Variants in TRIM14 observed in about 807,000 individuals in gnomAD.
TRIM14 encodes tripartite motif containing 14, also known as tripartite motif-containing protein 14.
A neutral mutation model predicts 44.5 loss-of-function variants in TRIM14; 28 were observed. The ratio of observed to expected loss-of-function variants is 0.63; its 90% CI spans 0.47 to 0.86. The LOEUF (loss-of-function observed/expected upper bound fraction) is 0.86, where lower values mean the gene tolerates loss of function less well. TRIM14 is among the 40% of genes least tolerant of loss of function. The pLI is 0.00. For missense variants in TRIM14, 607 were observed against 611.1 expected, an observed-to-expected ratio of 0.99 and a Z score of 0.07; for synonymous variants, 299 against 269.2, an observed-to-expected ratio of 1.11 and a Z score of -1.08.
the TRIM14 span, among the ~76,000 whole-genome samples, chr9:98,047,670 A>T: frequency 2.6e-5 from 4 of 151,982 alleles, no homozygotes; most frequent in African/African-American, 9.7e-5. Context: ...TGTAATAGCT[A>T]GGTAGGAAAT....
At chr9:98,058,009 G>A in the TRIM14 span, among the ~76,000 whole-genome samples, 1 of 130,694 alleles carries the variant, frequency 7.7e-6, no homozygotes, top group South Asian at 2.5e-4. Flanking sequence ...TGCAACCTCT[G>A]CCTCCCAGGC....
the TRIM14 span, among the ~76,000 whole-genome samples, chr9:98,054,803 G>A: frequency 1.3e-5 from 2 of 152,186 alleles, no homozygotes; most frequent in South Asian, 2.1e-4. Context: ...CTACAGAACC[G>A]GGGCAGGTAG....
chr9:98,102,731 A>C (rs914471802), intron 2 of TRIM14, among the ~76,000 whole-genome samples: 2 of 152,194 alleles, frequency 1.3e-5, no homozygotes, highest in Non-Finnish European at 2.9e-5. Flanking sequence ...TGTTTGGGAT[A>C]ATGAAAAAGT....
At chr9:98,113,137 A>G (rs1172180531) in intron 1 of TRIM14, among the ~76,000 whole-genome samples, 67 of 120,564 alleles carry the variant, frequency 5.6e-4, no homozygotes, top group African/African-American at 2.1e-3. Flanking sequence ...AAAAAAAAAA[A>G]GAAGGAATTT....
At chr9:98,056,771 C>T in the TRIM14 span, 2 of 1,604,040 alleles carry the variant, frequency 1.2e-6, no homozygotes, top group Non-Finnish European at 1.7e-6. Flanking sequence ...CGGCCGGACC[C>T]AGACTGGTAG....
chr9:98,038,883 T>C, the TRIM14 span, among the ~76,000 whole-genome samples: 1 of 151,934 alleles, frequency 6.6e-6, no homozygotes, highest in Admixed American at 6.6e-5. Flanking sequence ...ACCCCGCCTC[T>C]ACTAAAAAAT....
downstream of TRIM14, among the ~76,000 whole-genome samples, chr9:98,084,031 A>G (rs1825670335): frequency 6.6e-6 from 1 of 152,238 alleles, no homozygotes; most frequent in South Asian, 2.1e-4. Flanking sequence ...ATAAGATATG[A>G]GTAAAGGCCC....
intron 1 of TRIM14, among the ~76,000 whole-genome samples, chr9:98,117,822 G>T (rs149533245): frequency 6.6e-6 from 1 of 152,144 alleles, no homozygotes; most frequent in African/African-American, 2.4e-5. Flanking sequence ...GTGGGTAGGG[G>T]GATGGACAAA....
rs1054171094 is a variant in TRIM14 at position 98,087,902 on chromosome 9, G to T, written c.897C>A (p.Pro299=). 1.0e-5 allele frequency: 16 copies of T among 1,569,572 alleles called. No individual in the cohort carries two copies. Among genetic ancestry groups the T allele is most frequent in the Admixed American group, 7.0e-5 (4 of 56,748 alleles). Residue 299 remains proline, a synonymous_variant, in exon 6 of 6, where the codon CCC becomes CCA. Transcript: ENST00000341469. ...VRCGLLGSLG[P]VPVLRFDALW... is the part of the protein sequence containing the mutation. ...GCGCGTCGAACCGCAGCACGGGCAC[G>T]GGCCCCAGGCTGCCCAGCAGGCCGC...
intron 4 of TRIM14, among the ~76,000 whole-genome samples, chr9:98,094,313 TGG>T (rs1479109168): frequency 6.6e-6 from 1 of 152,168 alleles, no homozygotes; most frequent in East Asian, 1.9e-4. Flanking sequence ...ACCTCAGAGT[TGG>T]ACCTAAAGCT....
chr9:98,077,311 T>C (rs1024351508), intron 6 of TRIM14, among the ~76,000 whole-genome samples: 7 of 152,032 alleles, frequency 4.6e-5, no homozygotes, highest in African/African-American at 1.4e-4. Context: ...GTAAGCTAAT[T>C]TGAAAGAAAA....
Position 98,077,116 on chromosome 9 carries a change from A to T in TRIM14, c.*29-7429T>A, listed in dbSNP as rs1022599615. The T allele has an allele frequency of 4.9e-5, 43 of 882,772 alleles. 1 individual carries two copies. The African/African-American group carries it at 6.7e-4, about 14-fold the overall frequency. The allele number at this position is 882,772 out of a possible 1,614,324, so 54.7% of individuals were successfully genotyped here. On this transcript the variant is annotated intron_variant, in intron 6 of 6. Transcript: ENST00000375098. ...CACTTTCAGCAGATTTCATGAAGACAAATTTTAGCCTCTTTTCATTTTTTT... is the reference window on the plus strand; with the variant it reads ...CACTTTCAGCAGATTTCATGAAGACTAATTTTAGCCTCTTTTCATTTTTTT...
the TRIM14 span, among the ~76,000 whole-genome samples, chr9:98,055,690 AAGG>A: frequency 6.6e-6 from 1 of 152,254 alleles, no homozygotes; most frequent in African/African-American, 2.4e-5. Context: ...CCCAGGAAAG[AAGG>A]AGGTTTATTT....
chr9:98,046,431 G>GT, the TRIM14 span, among the ~76,000 whole-genome samples: 4 of 151,594 alleles, frequency 2.6e-5, no homozygotes, highest in Admixed American at 2.0e-4. Flanking sequence ...ATGCAGAAGA[G>GT]TTTTTTTGTT....
At chr9:98,063,473 C>G in the TRIM14 span, among the ~76,000 whole-genome samples, 1 of 152,060 alleles carries the variant, frequency 6.6e-6, no homozygotes, top group African/African-American at 2.4e-5. Flanking sequence ...AACTTTTGAC[C>G]TCAGGTTATC....
Position 98,101,450 on chromosome 9 carries a change from A to T in TRIM14, c.304-1286T>A, listed in dbSNP as rs115570154. On this transcript the variant is annotated intron_variant, in intron 2 of 5. Coordinates refer to ENST00000341469, the MANE Select transcript of TRIM14 (RefSeq NM_014788.4). ...CAATTTTTTTTTTTTTTTCAGACGA[A>T]GTTTTGCTCTTGTCGCCTAGGCTGG... Among the ~76,000 whole-genome samples the T allele has an allele frequency of 3.5e-3, 522 of 151,048 alleles. 2 individuals are homozygous for T. The highest frequency in any genetic ancestry group is 0.011 in the African/African-American group (462 of 41,156).
At chr9:98,101,030 C>T (rs971157303) in intron 2 of TRIM14, among the ~76,000 whole-genome samples, 3 of 152,128 alleles carry the variant, frequency 2.0e-5, no homozygotes, top group African/African-American at 7.2e-5. Flanking sequence ...AGGCTGAGTG[C>T]AGTGGTGCGA....
At chr9:98,042,890 A>T in the TRIM14 span, among the ~76,000 whole-genome samples, 1 of 151,760 alleles carries the variant, frequency 6.6e-6, no homozygotes, top group African/African-American at 2.4e-5. Flanking sequence ...AAAAGAGTTT[A>T]CTTAAGTCAT....
the TRIM14 span, among the ~76,000 whole-genome samples, chr9:98,058,753 C>T: frequency 2.6e-5 from 4 of 152,166 alleles, no homozygotes; most frequent in African/African-American, 7.2e-5. Context: ...TAGCGAGACC[C>T]TGTCTCTAAT....
Sources: allele counts gnomAD v4.1 joint callset (sites outside exome capture counted in the v4.1 genomes callset), GRCh38; gene constraint gnomAD v4.1.1; transcripts MANE v1.5; gene names NCBI Gene and HGNC (gene_info 2026-07-23, HGNC 2026-07-21).